The following FZR1 variants were observed in gnomAD, a reference collection of about 807,000 sequenced individuals.
The protein encoded by FZR1 is fizzy-related protein homolog.
Under a neutral mutation model 63.6 loss-of-function variants are expected in FZR1, and 11 were observed. That is an observed-to-expected ratio of 0.17 (90% CI 0.11 to 0.29). The LOEUF is 0.29. Ranked by LOEUF, FZR1 falls within the 10% of genes least tolerant of loss-of-function variation. The pLI, the probability that FZR1 is intolerant of heterozygous loss-of-function variation, is 1.00. For missense variants in FZR1, 440 were observed against 687.5 expected (o/e 0.64, Z 4.03); for synonymous variants, 328 against 297.9 (o/e 1.10, Z -1.04).
At chr19:3,532,747 C>T (rs933848265) in intron 11 of FZR1, 97 bp downstream of exon 11, 2 of 839,978 alleles carry the variant, frequency 2.4e-6, no homozygotes, top group Non-Finnish European at 3.9e-6. Flanking sequence ...GGAGATGGGT[C>T]AGAGTCGCTC....
In FZR1 at chr19:3,533,284, C is replaced by T. The variant is rs376058494; in HGVS notation, c.1243-10C>T. 1.5e-4 allele frequency: 243 copies of T among 1,575,158 alleles called. No individual in the cohort carries two copies. The highest frequency in any genetic ancestry group is 5.1e-4 in the Middle Eastern group (3 of 5,920). ...CCCTCACCGACCGCAGCGCCCCCTC[C>T]GCCCTCCAGGTGAGCACGCACGGCT... On this transcript the variant is annotated splice_polypyrimidine_tract_variant and intron_variant, in intron 11 of 13. Coordinates refer to ENST00000441788, the MANE Select transcript of FZR1 (RefSeq NM_016263.4). This position sits in a 1 kb window ranked among gnomAD's most constrained non-coding sequence, Gnocchi z 4.9.
rs2083168950 is a variant in FZR1 at position 3,527,185 on chromosome 19, C to T, written c.470+123C>T. 6 of 788,598 alleles carry T rather than the reference C, an allele frequency of 7.6e-6. No individual in the cohort carries two copies. The South Asian group carries it at 8.9e-5, about 12-fold the overall frequency. The allele number at this position is 788,598 out of a possible 1,614,324, so 48.9% of individuals were successfully genotyped here. A position where few individuals can be genotyped will look rare whatever the true frequency, so the allele number is the denominator to read the frequency against. ...TCCTGGTGGGCGAGGCTGAAGGGGG[C>T]TTCCCAGGGCATAGTGGCCTGGAGC... On this transcript the variant is annotated intron_variant, in intron 6 of 13. Transcript: ENST00000441788.
intron 7 of FZR1, among the ~76,000 whole-genome samples, chr19:3,529,418 G>C (rs1555693732): frequency 6.7e-6 from 1 of 149,118 alleles, no homozygotes; most frequent in East Asian, 2.0e-4. Flanking sequence ...GCAGATGGGA[G>C]AGTGGATGAG....
Position 3,525,432 on chromosome 19 carries a change from CTTTTTTT to C in FZR1, c.70-414_70-408del, listed in dbSNP as rs57486013. ...TGTGTGGCTCCCCTCCTTGGGTTTTCTTTTTTTTTTTTTTTTTTTTTTTTTTTTGAGA... is the reference window on the plus strand; with the variant it reads ...TGTGTGGCTCCCCTCCTTGGGTTTTCTTTTTTTTTTTTTTTTTTTTTGAGA... On this transcript the variant is annotated intron_variant, in intron 2 of 13. Coordinates refer to ENST00000441788, the MANE Select transcript of FZR1 (RefSeq NM_016263.4). The surrounding 1 kb of genome is among the most constrained non-coding windows in gnomAD (Gnocchi z 4.2). Among the ~76,000 whole-genome samples, 42 of 68,742 alleles carry C rather than the reference CTTTTTTT, an allele frequency of 6.1e-4. 1 individual carries two copies. The highest frequency in any genetic ancestry group is 1.8e-3 in the Admixed American group (9 of 5,130). 45.1% of individuals were successfully genotyped at this position (68,742 alleles called of 152,430 possible).
chr19:3,513,806 G>C (rs11666985), intron 1 of FZR1, among the ~76,000 whole-genome samples: 1 of 152,280 alleles, frequency 6.6e-6, no homozygotes, highest in Admixed American at 6.5e-5. Context: ...TACCCAAGGC[G>C]GTCCTGCCCC....
chr19:3,529,178 T>C (rs866129779), intron 7 of FZR1, among the ~76,000 whole-genome samples: 2 of 22,146 alleles, frequency 9.0e-5, no homozygotes, highest in Non-Finnish European at 1.8e-4. Context: ...GGGAGAGCGG[T>C]TGGGAGAGCG....
chr19:3,522,126 G>A (rs975288144), intron 1 of FZR1, among the ~76,000 whole-genome samples: 2 of 152,210 alleles, frequency 1.3e-5, no homozygotes, highest in African/African-American at 2.4e-5. Context: ...TTACAGACCG[G>A]CAGCCTGTAC....
At chr19:3,528,383 C>T (rs539172962) in intron 7 of FZR1, among the ~76,000 whole-genome samples, 1 of 152,394 alleles carries the variant, frequency 6.6e-6, no homozygotes, top group Non-Finnish European at 1.5e-5. Flanking sequence ...AGCCTATGAG[C>T]TGCTCCCGCT....
chr19:3,527,113 C>T (rs2083167968), intron 6 of FZR1, 51 bp downstream of exon 6: 2 of 1,398,126 alleles, frequency 1.4e-6, no homozygotes, highest in African/African-American at 1.4e-5. Context: ...CTCCCGTCAG[C>T]AGCAAGAGGT....
At position 3,536,163 on chromosome 19, in the gene FZR1, G is replaced by T. The variant is rs1030207138; in HGVS notation, c.*1327G>T. ...TGTCCCCAGTGGGGTTGGCGTGCAT[G>T]TGTACATATGTATTTGTGACTTTTC... On this transcript the variant is annotated 3_prime_UTR_variant, in exon 14 of 14. Coordinates refer to ENST00000441788, the MANE Select transcript of FZR1 (RefSeq NM_016263.4). 2.0e-5 allele frequency: 3 copies of T among 152,268 alleles called. No individual in the cohort carries two copies. Among genetic ancestry groups the T allele is most frequent in the Admixed American group, 2.0e-4 (3 of 15,296 alleles). 9.4% of individuals were successfully genotyped at this position (152,268 alleles called of 1,614,324 possible). A position where few individuals can be genotyped will look rare whatever the true frequency, so the allele number is the denominator to read the frequency against.
chr19:3,531,868 C>G, intron 9 of FZR1, 43 bp from the exon 10 acceptor site: 1 of 1,559,698 alleles, frequency 6.4e-7, no homozygotes, highest in Non-Finnish European at 8.7e-7. Flanking sequence ...CCCAGCTCCG[C>G]GAGGGCAGGA....
Position 3,526,871 on chromosome 19 carries a change from A to T in FZR1, c.388-109A>T, listed in dbSNP as rs2083164144. On this transcript the variant is annotated intron_variant, in intron 5 of 13. Coordinates refer to ENST00000441788, the MANE Select transcript of FZR1 (RefSeq NM_016263.4). This position sits in a 1 kb window ranked among gnomAD's most constrained non-coding sequence, Gnocchi z 5.4. ...TTACAGCTGCTCCACACAGGGTCTC[A>T]GCACCTGCCTTAGGGCTATGAGCTG... 2 of 776,332 alleles carry T rather than the reference A, an allele frequency of 2.6e-6. No homozygotes were observed. The highest frequency in any genetic ancestry group is 4.4e-6 in the Non-Finnish European group (2 of 456,598). The allele number at this position is 776,332 out of a possible 1,614,324, so 48.1% of individuals were successfully genotyped here.
chr19:3,527,879 AC>A, intron 7 of FZR1, 65 bp downstream of exon 7: 2 of 1,288,558 alleles, frequency 1.6e-6, no homozygotes, highest in South Asian at 1.3e-5. Flanking sequence ...ACCTCAATGT[AC>A]CCACCGGGAT....
At position 3,525,832 on chromosome 19, in the gene FZR1, G is replaced by A. The variant is rs757182205; in HGVS notation, c.70-36G>A. On this transcript the variant is annotated intron_variant, in intron 2 of 13. Coordinates refer to ENST00000441788, the MANE Select transcript of FZR1 (RefSeq NM_016263.4). This position sits in a 1 kb window ranked among gnomAD's most constrained non-coding sequence, Gnocchi z 4.2. Reference sequence around the variant, plus strand: ...CTGGGGGCACTCTCGGGGGGCTCTCGGTGCTGAGAGCAAGCCCTCTGCTGA... The same window carrying A: ...CTGGGGGCACTCTCGGGGGGCTCTCAGTGCTGAGAGCAAGCCCTCTGCTGA... The A allele has an allele frequency of 3.1e-6, 5 of 1,600,022 alleles. No individual in the cohort carries two copies. The highest frequency in any genetic ancestry group is 2.7e-5 in the African/African-American group (2 of 74,730).
intron 6 of FZR1, 35 bp downstream of exon 6, chr19:3,527,097 C>T (rs757424652): frequency 1.4e-6 from 2 of 1,465,820 alleles, no homozygotes; most frequent in South Asian, 2.3e-5. Context: ...CCTCCCTACT[C>T]CCTGTCTCCC....
Position 3,525,427 on chromosome 19 carries a change from G to GTTT in FZR1, c.70-439_70-437dup, listed in dbSNP as rs1475541904. 2.9e-5 allele frequency among the ~76,000 whole-genome samples: 3 copies of GTTT among 104,968 alleles called. No homozygotes were observed. Among genetic ancestry groups the GTTT allele is most frequent in the Admixed American group, 2.0e-4 (2 of 9,820 alleles). The allele number at this position is 104,968 out of a possible 152,430, so 68.9% of individuals were successfully genotyped here. On this transcript the variant is annotated intron_variant, in intron 2 of 13. Coordinates refer to ENST00000441788, the MANE Select transcript of FZR1 (RefSeq NM_016263.4). The surrounding 1 kb of genome is among the most constrained non-coding windows in gnomAD (Gnocchi z 4.2). ...GTGACTGTGTGGCTCCCCTCCTTGG[G>GTTT]TTTTCTTTTTTTTTTTTTTTTTTTT...
At position 3,527,778 on chromosome 19, in the gene FZR1, C is replaced by T. The variant is rs778696405; in HGVS notation, c.618C>T (p.Gly206=). The change falls in exon 7 of 14, where the codon GGC becomes GGT. Residue 206 remains glycine, a synonymous_variant. Coordinates refer to ENST00000441788, the MANE Select transcript of FZR1 (RefSeq NM_016263.4). Reference sequence around the variant, plus strand: ...TCAATGTGCTCAGCGTGGGGCTAGGCACCTGCGTGTACCTGTGGAGTGCCT... The same window carrying T: ...TCAATGTGCTCAGCGTGGGGCTAGGTACCTGCGTGTACCTGTGGAGTGCCT... ...SSLNVLSVGL[G]TCVYLWSACT... 3.1e-6 allele frequency: 5 copies of T among 1,612,580 alleles called. No homozygotes were observed. The highest frequency in any genetic ancestry group is 3.3e-5 in the Admixed American group (2 of 59,978).
At position 3,524,529 on chromosome 19, in the gene FZR1, G is replaced by A. The variant is rs74567579; in HGVS notation, c.70-1339G>A. The stretch of plus-strand genomic sequence containing the variant: ...GTGTCAAGGCCATGACTGCGTCACA[G>A]GCTGGGGGCAGGGAGATGTGACAGC... On this transcript the variant is annotated intron_variant, in intron 2 of 13. Transcript: ENST00000441788. Among the ~76,000 whole-genome samples the A allele has an allele frequency of 3.6e-3, 548 of 152,360 alleles. 6 individuals carry two copies. Among genetic ancestry groups the A allele is most frequent in the Non-Finnish European group, 3.5e-3 (235 of 68,034 alleles).
At chr19:3,534,387 C>T (rs2083276830) in intron 12 of FZR1, 34 bp from the exon 13 acceptor site, 1 of 1,251,676 alleles carries the variant, frequency 8.0e-7, no homozygotes, top group Non-Finnish European at 1.2e-6. Flanking sequence ...ACCTAGAGGC[C>T]CAGAGACATG....
Sources: gnomAD v4.1 joint callset for allele counts (sites outside exome capture counted in the v4.1 genomes callset) on GRCh38, gnomAD v4.1.1 for gene constraint, Gnocchi (gnomAD v3.1) non-coding constraint, MANE v1.5 for transcripts, NCBI Gene and HGNC (gene_info 2026-07-23, HGNC 2026-07-21) for gene names.